The following LRPPRC variants were observed in gnomAD, a reference collection of about 807,000 sequenced individuals.
LRPPRC encodes leucine-rich PPR motif-containing protein, mitochondrial.
LRPPRC carries 120 observed loss-of-function variants against 180.3 expected under a neutral mutation model. The ratio of observed to expected loss-of-function variants is 0.67; its 90% CI spans 0.57 to 0.77. The LOEUF is 0.77. Ranked by LOEUF, LRPPRC falls within the 30% of genes least tolerant of loss-of-function variation. The pLI is 0.00. For missense variants in LRPPRC, 2,012 were observed against 1,657.2 expected (o/e 1.21, Z -3.72); for synonymous variants, 723 against 600.0 (o/e 1.21, Z -3.00).
chr2:43,939,065 G>A (rs942267593), intron 23 of LRPPRC, among the ~76,000 whole-genome samples: 2 of 150,498 alleles, frequency 1.3e-5, no homozygotes, highest in Non-Finnish European at 2.9e-5. Flanking sequence ...GCGGTCAGGA[G>A]ATCGAGACCA....
At chr2:43,947,704 G>C (rs768480572) in intron 19 of LRPPRC, 27 bp downstream of exon 19, 1 of 1,346,836 alleles carries the variant, frequency 7.4e-7, no homozygotes, top group African/African-American at 1.4e-5. Flanking sequence ...ATTATAGCAT[G>C]TAGAATCTAG....
intron 14 of LRPPRC, among the ~76,000 whole-genome samples, chr2:43,955,797 T>C (rs143268240): frequency 1.3e-5 from 2 of 152,200 alleles, no homozygotes; most frequent in Non-Finnish European, 2.9e-5. Context: ...GGATTACCAA[T>C]GGCTGCTAAA....
At chr2:43,989,364 A>T (rs1008651282) in intron 1 of LRPPRC, among the ~76,000 whole-genome samples, 6 of 152,114 alleles carry the variant, frequency 3.9e-5, no homozygotes, top group African/African-American at 1.4e-4. Flanking sequence ...CTTTCCACCT[A>T]TCGAGATTTC....
In LRPPRC at chr2:43,912,574, G is replaced by T. The variant is rs1418128998; in HGVS notation, c.3149-16C>A. The T allele has an allele frequency of 6.2e-7, 1 of 1,602,186 alleles. No homozygotes were observed. Among genetic ancestry groups the T allele is most frequent in the Non-Finnish European group, 8.5e-7 (1 of 1,170,798 alleles). On this transcript the variant is annotated splice_polypyrimidine_tract_variant and intron_variant, in intron 29 of 37. Coordinates refer to ENST00000260665, the MANE Select transcript of LRPPRC (RefSeq NM_133259.4). ...TCATATGCCCCTATGAGAGAAAACAGACAAAAAAAATGAGATGACATTATT... is the reference window on the plus strand; with the variant it reads ...TCATATGCCCCTATGAGAGAAAACATACAAAAAAAATGAGATGACATTATT...
chr2:43,953,056 C>T (rs1011910401), intron 14 of LRPPRC, among the ~76,000 whole-genome samples: 3 of 152,144 alleles, frequency 2.0e-5, no homozygotes, highest in African/African-American at 7.2e-5. Context: ...TTACACTTCC[C>T]CAGAACCACT....
intron 12 of LRPPRC, among the ~76,000 whole-genome samples, chr2:43,961,463 T>C (rs1433202575): frequency 6.6e-6 from 1 of 152,216 alleles, no homozygotes; most frequent in Non-Finnish European, 1.5e-5. Context: ...ATGAACAGTA[T>C]ACTTTCTTGC....
chr2:43,973,508 G>T (rs1480392437), intron 11 of LRPPRC, 99 bp downstream of exon 11: 4 of 793,698 alleles, frequency 5.0e-6, no homozygotes, highest in Admixed American at 1.8e-5. Context: ...TAATACTCAG[G>T]AATAAGTATG....
intron 23 of LRPPRC, among the ~76,000 whole-genome samples, chr2:43,936,234 T>G (rs1269128987): frequency 6.6e-6 from 1 of 152,096 alleles, no homozygotes; most frequent in African/African-American, 2.4e-5. Context: ...CAGAGGAAGG[T>G]ACTAGGTAAG....
intron 5 of LRPPRC, 78 bp from the exon 6 acceptor site, chr2:43,976,307 G>C: frequency 2.5e-6 from 2 of 804,268 alleles, no homozygotes; most frequent in East Asian, 2.5e-5. Context: ...ATTAGGCCTT[G>C]AGTTACTTTT....
intron 14 of LRPPRC, among the ~76,000 whole-genome samples, chr2:43,956,355 T>C (rs188378359): frequency 6.6e-6 from 1 of 152,322 alleles, no homozygotes; most frequent in Non-Finnish European, 1.5e-5. Flanking sequence ...ATTGTTAATT[T>C]TTTCAGAGTG....
At chr2:43,952,252 C>G (rs918895310) in intron 14 of LRPPRC, among the ~76,000 whole-genome samples, 15 of 151,828 alleles carry the variant, frequency 9.9e-5, no homozygotes, top group African/African-American at 3.4e-4. Flanking sequence ...CATGAAGTAC[C>G]TAAGGAAGGC....
intron 1 of LRPPRC, among the ~76,000 whole-genome samples, chr2:43,987,341 A>T (rs370497999): frequency 2.0e-5 from 3 of 151,976 alleles, no homozygotes; most frequent in Non-Finnish European, 4.4e-5. Context: ...TAAGAATACA[A>T]AAAATTAGCC....
chr2:43,930,957 G>A (rs1162219813), intron 25 of LRPPRC, among the ~76,000 whole-genome samples: 1 of 152,170 alleles, frequency 6.6e-6, no homozygotes, highest in African/African-American at 2.4e-5. Context: ...CAGGAAGACA[G>A]TGTTGCAGAC....
intron 18 of LRPPRC, 92 bp from the exon 19 acceptor site, chr2:43,947,867 A>G (rs1378387253): frequency 2.4e-6 from 2 of 822,802 alleles, no homozygotes; most frequent in East Asian, 4.9e-5. Context: ...GTCTCACCTC[A>G]TATTACTACT....
chr2:43,951,486 G>A (rs1672899915), intron 14 of LRPPRC, among the ~76,000 whole-genome samples: 1 of 152,140 alleles, frequency 6.6e-6, no homozygotes, highest in African/African-American at 2.4e-5. Flanking sequence ...ACCCATCTGG[G>A]CATTTGATGA....
chr2:43,921,784 T>G (rs146203041), intron 27 of LRPPRC, among the ~76,000 whole-genome samples: 2,114 of 152,290 alleles, frequency 0.014, 31 homozygotes, highest in Non-Finnish European at 0.019. Flanking sequence ...GAAAAAGCCA[T>G]ACAATATGAA....
intron 13 of LRPPRC, among the ~76,000 whole-genome samples, chr2:43,958,430 A>T (rs924934679): frequency 6.6e-6 from 1 of 152,178 alleles, no homozygotes; most frequent in Non-Finnish European, 1.5e-5. Context: ...GGCCCATTTT[A>T]AGTGTTCATC....
rs894120245 is a variant in LRPPRC at position 43,911,139 on chromosome 2, G to T, written c.3275+1293C>A. Among the ~76,000 whole-genome samples the T allele has an allele frequency of 1.2e-4, 14 of 112,186 alleles. No homozygotes were observed. In the Middle Eastern group the frequency reaches 0.02, roughly 162 times the overall value. The allele number at this position is 112,186 out of a possible 152,430, so 73.6% of individuals were successfully genotyped here. A position where few individuals can be genotyped will look rare whatever the true frequency, so the allele number is the denominator to read the frequency against. On this transcript the variant is annotated intron_variant, in intron 30 of 37. Transcript: ENST00000260665. ...CCAAGTCACTAATTAAGGGTATATC[G>T]AGTGTTCTAGATATATATATATATA... is the stretch of plus-strand genomic sequence containing the variant.
intron 1 of LRPPRC, 138 bp downstream of exon 1, chr2:43,995,661 T>G (rs968275424): frequency 2.5e-6 from 2 of 808,606 alleles, no homozygotes; most frequent in Non-Finnish European, 3.5e-6. Context: ...GGGAGCGTGG[T>G]GCGGAGCCCG....
Sources: allele counts gnomAD v4.1 joint callset (sites outside exome capture counted in the v4.1 genomes callset), GRCh38; gene constraint gnomAD v4.1.1; transcripts MANE v1.5; gene names NCBI Gene and HGNC (gene_info 2026-07-23, HGNC 2026-07-21).